HRH1: variants seen among roughly 807,000 people sequenced by gnomAD.
HRH1 encodes histamine receptor H1.
Under a neutral mutation model 10.3 loss-of-function variants are expected in HRH1, and 6 were observed. The observed-to-expected ratio is 0.58, with a 90% CI of 0.32 to 1.15. HRH1 has a LOEUF of 1.15. Ranked by LOEUF, HRH1 falls within the 50% of genes most tolerant of loss-of-function variation. The probability of loss-of-function intolerance (pLI) is 0.05; values close to 1 mark genes in which losing one functional copy is unlikely to be tolerated. For synonymous variants in HRH1, 242 were observed against 236.7 expected (o/e 1.02, Z -0.21); for missense variants, 514 against 615.3 (o/e 0.84, Z 1.74).
intron 1 of HRH1, among the ~76,000 whole-genome samples, chr3:11,227,492 G>C (rs533931109): frequency 2.6e-5 from 4 of 151,940 alleles, no homozygotes; most frequent in Non-Finnish European, 5.9e-5. Flanking sequence ...TCCCCATGTT[G>C]TCCAGGCTGG....
At chr3:11,179,886 T>G (rs1259680214) in intron 1 of HRH1, among the ~76,000 whole-genome samples, 1 of 151,384 alleles carries the variant, frequency 6.6e-6, no homozygotes, top group African/African-American at 2.4e-5. Context: ...TCCTCCCACT[T>G]CAGCCTCCTC....
chr3:11,259,007 T>C lies in HRH1; in HGVS notation c.-31T>C. 1 of 1,550,402 alleles carries C rather than the reference T, an allele frequency of 6.4e-7. No homozygotes were observed. Among genetic ancestry groups the C allele is most frequent in the Non-Finnish European group, 8.7e-7 (1 of 1,148,840 alleles). On this transcript the variant is annotated 5_prime_UTR_variant, in exon 2 of 2. Coordinates refer to ENST00000431010, the MANE Select transcript of HRH1 (RefSeq NM_001098212.2). This position sits in a 1 kb window ranked among gnomAD's most constrained non-coding sequence, Gnocchi z 4.6. The stretch of plus-strand genomic sequence containing the variant: ...TTTTTCTCTCTTTTCTCCCAGGGAG[T>C]GAGCCATAACTGGTGGCTGCTCTTG...
chr3:11,227,443 C>T (rs899891178), intron 1 of HRH1, among the ~76,000 whole-genome samples: 1 of 152,106 alleles, frequency 6.6e-6, no homozygotes, highest in Non-Finnish European at 1.5e-5. Context: ...CCCGCCACCA[C>T]GCCTGGCTAA....
At chr3:11,251,149 A>G (rs1370009602) in intron 1 of HRH1, among the ~76,000 whole-genome samples, 1 of 152,184 alleles carries the variant, frequency 6.6e-6, no homozygotes, top group Non-Finnish European at 1.5e-5. Context: ...GGTTAGGTGG[A>G]AAATGGGTGC....
At chr3:11,209,339 G>A (rs561789365) in intron 1 of HRH1, among the ~76,000 whole-genome samples, 11 of 152,150 alleles carry the variant, frequency 7.2e-5, no homozygotes, top group South Asian at 2.1e-4. Context: ...TGATCCTCCC[G>A]CCTCAGCCTC....
At chr3:11,207,354 G>T (rs987928245) in intron 1 of HRH1, among the ~76,000 whole-genome samples, 1 of 152,030 alleles carries the variant, frequency 6.6e-6, no homozygotes. Flanking sequence ...CACGAGGTCA[G>T]GAGATCCAGA....
rs1559249711 is a variant in HRH1, at chr3:11,144,428, C to CCT, written c.-36+7029_-36+7030insCT. 2.8e-3 allele frequency among the ~76,000 whole-genome samples: 414 copies of CCT among 149,728 alleles called. 39 individuals are homozygous for CCT. The highest frequency in any genetic ancestry group is 3.9e-3 in the African/African-American group (160 of 41,166). The stretch of plus-strand genomic sequence containing the variant: ...AGACATACATCTATAGGTATATATA[C>CCT]ATATAGACATATAGACATACGTCTA... On this transcript the variant is annotated intron_variant, in intron 1 of 1. Coordinates refer to the HRH1 transcript ENST00000438284.
chr3:11,191,230 C>T (rs372701021), intron 1 of HRH1, among the ~76,000 whole-genome samples: 1 of 152,106 alleles, frequency 6.6e-6, no homozygotes, highest in African/African-American at 2.4e-5. Context: ...TTATCTGTAA[C>T]GGGGTATACA....
At chr3:11,197,513 G>C (rs886139792) in intron 1 of HRH1, among the ~76,000 whole-genome samples, 2 of 152,172 alleles carry the variant, frequency 1.3e-5, no homozygotes, top group Non-Finnish European at 2.9e-5. Flanking sequence ...TTGAACAAAA[G>C]GTACTGTCTG....
At chr3:11,152,368 A>G (rs1384225924), upstream of HRH1, among the ~76,000 whole-genome samples, 1 of 152,076 alleles carries the variant, frequency 6.6e-6, no homozygotes, top group Non-Finnish European at 1.5e-5. Context: ...TCAGTTCCAA[A>G]TGCCACAGCA....
At chr3:11,165,605 C>T (rs1438530505) in intron 1 of HRH1, among the ~76,000 whole-genome samples, 1 of 152,182 alleles carries the variant, frequency 6.6e-6, no homozygotes, top group East Asian at 1.9e-4. Flanking sequence ...TTGGAACTGA[C>T]ATTGGGCCGG....
At chr3:11,139,263 A>T (rs1936246913) in intron 1 of HRH1, among the ~76,000 whole-genome samples, 1 of 150,378 alleles carries the variant, frequency 6.6e-6, no homozygotes, top group African/African-American at 2.5e-5. Flanking sequence ...CTGGGATTAC[A>T]GGAACGAGCC....
intron 1 of HRH1, among the ~76,000 whole-genome samples, chr3:11,176,365 C>T (rs1166230480): frequency 1.3e-5 from 2 of 152,142 alleles, no homozygotes; most frequent in African/African-American, 4.8e-5. Context: ...TTGTGCCCCC[C>T]ATATCATTGT....
At chr3:11,216,071 G>A (rs1192848576) in intron 1 of HRH1, among the ~76,000 whole-genome samples, 1 of 152,128 alleles carries the variant, frequency 6.6e-6, no homozygotes, top group Non-Finnish European at 1.5e-5. Context: ...GACTATTAGA[G>A]GGAACATTAC....
rs564065158 is a variant in HRH1, at chr3:11,227,773, A to G, written c.-35-31230A>G. ...GAACTTCCTCTCTCTGAGAGTGAAT[A>G]GAGTCTGTCCTTAGATAGCACTTGC... On this transcript the variant is annotated intron_variant, in intron 1 of 1. Transcript: ENST00000431010. Among the ~76,000 whole-genome samples, 12 of 152,316 alleles carry G rather than the reference A, an allele frequency of 7.9e-5. No individual in the cohort carries two copies. The East Asian group carries it at 1.2e-3, about 15-fold the overall frequency.
upstream of HRH1, among the ~76,000 whole-genome samples, chr3:11,153,306 C>A (rs1488455120): frequency 6.6e-6 from 1 of 152,198 alleles, no homozygotes; most frequent in Non-Finnish European, 1.5e-5. Context: ...AGAAAAGCAT[C>A]TGACACAATG....
intron 1 of HRH1, among the ~76,000 whole-genome samples, chr3:11,138,180 A>ATTTTTTTTTTTTTTTT (rs746775307): frequency 7.4e-6 from 1 of 135,560 alleles, no homozygotes; most frequent in Non-Finnish European, 1.6e-5. Flanking sequence ...ACGTTTGGCT[A>ATTTTTTTTTTTTTTTT]TTTTTTTTTT....
chr3:11,138,263 C>T (rs1034156203), intron 1 of HRH1, among the ~76,000 whole-genome samples: 5 of 148,824 alleles, frequency 3.4e-5, no homozygotes, highest in African/African-American at 1.2e-4. Flanking sequence ...ACCTTGTGAT[C>T]TGCCCGCCTC....
In HRH1 at chr3:11,144,244, T is replaced by G. The variant is rs1349161183; in HGVS notation, c.-36+6845T>G. ...TAAATTGTTGTATCAAAAAGACACC[T>G]GCACGCGTATGTTTATTGCAGCACT... is the stretch of plus-strand genomic sequence containing the variant. On this transcript the variant is annotated intron_variant, in intron 1 of 1. Coordinates refer to the HRH1 transcript ENST00000438284. Among the ~76,000 whole-genome samples the G allele has an allele frequency of 3.3e-5, 5 of 151,808 alleles. No homozygotes were observed. In the East Asian group the frequency reaches 9.8e-4, roughly 30 times the overall value.
Sources: gnomAD v4.1 joint callset for allele counts (sites outside exome capture counted in the v4.1 genomes callset) on GRCh38, gnomAD v4.1.1 for gene constraint, Gnocchi (gnomAD v3.1) non-coding constraint, MANE v1.5 for transcripts, NCBI Gene and HGNC (gene_info 2026-07-23, HGNC 2026-07-21) for gene names.